The following LUZP2 variants were observed in gnomAD, a reference collection of about 807,000 sequenced individuals.
The protein encoded by LUZP2 is leucine zipper protein 2.
Under a neutral mutation model 51.6 loss-of-function variants are expected in LUZP2, and 52 were observed. That is an observed-to-expected ratio of 1.01 (90% CI 0.81 to 1.27). The LOEUF is 1.27. Among genes scored for constraint, LUZP2 ranks in the 50% most tolerant of loss-of-function variants. The probability of loss-of-function intolerance (pLI) is 0.00; values close to 1 mark genes in which losing one functional copy is unlikely to be tolerated. For synonymous variants in LUZP2, 154 were observed against 137.3 expected, an observed-to-expected ratio of 1.12 and a Z score of -0.85; for missense variants, 436 against 395.4, an observed-to-expected ratio of 1.10 and a Z score of -0.87.
chr11:24,851,804 T>C (rs1391874063), intron 5 of LUZP2, among the ~76,000 whole-genome samples: 2 of 152,186 alleles, frequency 1.3e-5, no homozygotes, highest in Non-Finnish European at 2.9e-5. Context: ...AACTTCTTAT[T>C]GGTCTATTCA....
rs1565106111 is a variant in LUZP2, at chr11:24,734,378, A to G, written c.251+2190A>G. ...AAACAACACAAAAATCAGGAAAAAA[A>G]AATGTGAATAGGTGTTTAAGAATTT... On this transcript the variant is annotated intron_variant, in intron 3 of 11. Transcript: ENST00000336930. 2.0e-5 allele frequency among the ~76,000 whole-genome samples: 3 copies of G among 151,986 alleles called. No homozygotes were observed. The South Asian group carries it at 6.2e-4, about 32-fold the overall frequency.
At chr11:24,797,520 G>C (rs548081764) in intron 5 of LUZP2, among the ~76,000 whole-genome samples, 1 of 152,120 alleles carries the variant, frequency 6.6e-6, no homozygotes. Flanking sequence ...TTTAAAAATC[G>C]TGTACAAGGT....
intron 1 of LUZP2, among the ~76,000 whole-genome samples, chr11:24,590,899 A>G (rs780258496): frequency 6.6e-6 from 1 of 152,164 alleles, no homozygotes; most frequent in Admixed American, 6.6e-5. Flanking sequence ...TGTAAGAAAT[A>G]TTAAACGTAA....
At chr11:24,597,877 G>A (rs1034295241) in intron 1 of LUZP2, among the ~76,000 whole-genome samples, 1 of 152,078 alleles carries the variant, frequency 6.6e-6, no homozygotes, top group African/African-American at 2.4e-5. Flanking sequence ...CAAGGCGGGT[G>A]GAACACTTGA....
intron 6 of LUZP2, among the ~76,000 whole-genome samples, chr11:24,908,442 A>G (rs927647578): frequency 6.6e-6 from 1 of 152,220 alleles, no homozygotes; most frequent in Non-Finnish European, 1.5e-5. Flanking sequence ...TTGTCTTTTT[A>G]TATAGACAAT....
At chr11:24,597,200 A>T (rs1307724487) in intron 1 of LUZP2, among the ~76,000 whole-genome samples, 1 of 152,222 alleles carries the variant, frequency 6.6e-6, no homozygotes, top group African/African-American at 2.4e-5. Flanking sequence ...ATGTGTATAG[A>T]TATATACATA....
chr11:25,076,185 C>CTTTTGTTTTTGT (rs1859292269), intron 10 of LUZP2, among the ~76,000 whole-genome samples: 1 of 151,760 alleles, frequency 6.6e-6, no homozygotes, highest in South Asian at 2.1e-4. Flanking sequence ...CACCCAGCTG[C>CTTTTGTTTTTGT]TTTTGTTTTT....
intron 5 of LUZP2, among the ~76,000 whole-genome samples, chr11:24,770,194 G>A (rs1357780673): frequency 6.6e-6 from 1 of 152,142 alleles, no homozygotes; most frequent in Non-Finnish European, 1.5e-5. Flanking sequence ...TTACTTCTAG[G>A]ATAAAATCAG....
intron 10 of LUZP2, among the ~76,000 whole-genome samples, chr11:25,065,797 G>A (rs1238825003): frequency 6.6e-6 from 1 of 151,988 alleles, no homozygotes; most frequent in African/African-American, 2.4e-5. Context: ...ATAGTCAAAA[G>A]ATAATCTATG....
chr11:24,499,252 T>A (rs183569183), intron 1 of LUZP2, among the ~76,000 whole-genome samples: 57 of 152,356 alleles, frequency 3.7e-4, no homozygotes, highest in Admixed American at 2.9e-3. Context: ...ATCTTATTAA[T>A]GTGATTACTC....
intron 7 of LUZP2, among the ~76,000 whole-genome samples, chr11:24,942,891 G>A (rs1020645104): frequency 7.9e-5 from 12 of 152,048 alleles, no homozygotes; most frequent in East Asian, 1.9e-4. Context: ...CTGAATTTAC[G>A]TTTTATATAA....
At chr11:24,619,652 C>G (rs1015524363) in intron 1 of LUZP2, among the ~76,000 whole-genome samples, 1 of 152,084 alleles carries the variant, frequency 6.6e-6, no homozygotes, top group Non-Finnish European at 1.5e-5. Flanking sequence ...TCCACAGAAA[C>G]CAATATCAGA....
At chr11:24,670,883 G>A (rs1856381314) in intron 1 of LUZP2, among the ~76,000 whole-genome samples, 1 of 151,660 alleles carries the variant, frequency 6.6e-6, no homozygotes, top group African/African-American at 2.4e-5. Context: ...TTTTTAATTA[G>A]TTTCTATGTA....
chr11:24,918,254 C>G (rs550935584), intron 7 of LUZP2, among the ~76,000 whole-genome samples: 1 of 152,196 alleles, frequency 6.6e-6, no homozygotes, highest in East Asian at 1.9e-4. Context: ...ATGGGGTTTT[C>G]TAGATATACA....
At position 24,695,147 on chromosome 11, in the gene LUZP2, T is replaced by C. The variant is rs779549300; in HGVS notation, c.63-34022T>C. Among the ~76,000 whole-genome samples the C allele has an allele frequency of 2.6e-5, 4 of 152,002 alleles. No individual in the cohort carries two copies. The South Asian group carries it at 8.3e-4, about 31-fold the overall frequency. ...CAACATTGCCTAGCAATAAAAAATA[T>C]ATGGATACATTTTAAATGTCTATCA... is the stretch of plus-strand genomic sequence containing the variant. On this transcript the variant is annotated intron_variant, in intron 1 of 11. Coordinates refer to ENST00000336930, the MANE Select transcript of LUZP2 (RefSeq NM_001009909.4).
At chr11:24,528,470 G>T (rs868601938) in intron 1 of LUZP2, among the ~76,000 whole-genome samples, 18 of 151,216 alleles carry the variant, frequency 1.2e-4, no homozygotes, top group Admixed American at 9.9e-4. Flanking sequence ...TTTTTAAAAT[G>T]GTGATTCTCA....
chr11:24,856,570 C>A (rs933610666), intron 5 of LUZP2, among the ~76,000 whole-genome samples: 2 of 152,114 alleles, frequency 1.3e-5, no homozygotes, highest in African/African-American at 4.8e-5. Flanking sequence ...AGGTACACAA[C>A]TGTTGGATAT....
At chr11:24,853,376 C>T (rs530374600) in intron 5 of LUZP2, among the ~76,000 whole-genome samples, 1 of 151,894 alleles carries the variant, frequency 6.6e-6, no homozygotes, top group South Asian at 2.1e-4. Flanking sequence ...AGTTGATCTT[C>T]AATCTCTGAT....
intron 1 of LUZP2, among the ~76,000 whole-genome samples, chr11:24,604,437 A>T (rs1397047294): frequency 6.6e-6 from 1 of 151,896 alleles, no homozygotes; most frequent in Non-Finnish European, 1.5e-5. Flanking sequence ...ATGAAACAAA[A>T]ATAAATTAAT....
Sources: allele counts gnomAD v4.1 joint callset (sites outside exome capture counted in the v4.1 genomes callset), GRCh38; gene constraint gnomAD v4.1.1; transcripts MANE v1.5; gene names NCBI Gene and HGNC (gene_info 2026-07-23, HGNC 2026-07-21).